The following TMEM255A variants were observed in gnomAD, a reference collection of about 807,000 sequenced individuals.
TMEM255A encodes family with sequence similarity 70, member A.
In TMEM255A, 14 loss-of-function variants were observed where a neutral mutation model predicts 23.5. The observed-to-expected ratio is 0.60, with a 90% CI of 0.39 to 0.93. TMEM255A has a LOEUF of 0.93. Among genes scored for constraint, TMEM255A ranks in the 40% least tolerant of loss-of-function variants. The pLI, the probability that TMEM255A is intolerant of heterozygous loss-of-function variation, is 0.00. For synonymous variants in TMEM255A, 104 were observed against 100.3 expected (o/e 1.04, Z -0.22); for missense variants, 233 against 261.7 (o/e 0.89, Z 0.76).
In TMEM255A at chrX:120,265,910, C is replaced by T. The variant is rs782405301; in HGVS notation, c.819+2334G>A. On this transcript the variant is annotated intron_variant, in intron 8 of 8. Transcript: ENST00000371369. ...CTGTAATCCCAGCACTTTGGGAGGC[C>T]GAGGCGGGTGAATCACGAGGTCAGG... Among the ~76,000 whole-genome samples, 161 of 105,162 alleles carry T rather than the reference C, an allele frequency of 1.5e-3. 1 individual carries two copies. Among genetic ancestry groups the T allele is most frequent in the African/African-American group, 5.2e-3 (147 of 28,364 alleles). 91.3% of individuals were successfully genotyped at this position (105,162 alleles called of 115,157 possible). A position where few individuals can be genotyped will look rare whatever the true frequency, so the allele number is the denominator to read the frequency against.
At chrX:120,252,502 A>G in the TMEM255A span, among the ~76,000 whole-genome samples, 1 of 112,124 alleles carries the variant, frequency 8.9e-6, no homozygotes, top group South Asian at 3.7e-4. Context: ...GTCTATTCCA[A>G]TAAGTTAATG....
chrX:120,256,627 T>G (rs2057639524), downstream of TMEM255A: 2 of 122,848 alleles, frequency 1.6e-5, no homozygotes, highest in African/African-American at 6.5e-5. Flanking sequence ...TTGACAACAA[T>G]AAATACCACT....
chrX:120,278,112 A>C (rs2057812083), intron 6 of TMEM255A, among the ~76,000 whole-genome samples: 12 of 99,984 alleles, frequency 1.2e-4, no homozygotes, highest in African/African-American at 2.2e-4. Flanking sequence ...TGACTTCCCT[A>C]CTCCACGCCC....
rs2057661768 is a variant in TMEM255A at position 120,259,521 on chromosome X, GTGTT to G, written c.*1345_*1348del. 8.9e-6 allele frequency: 1 copy of G among 111,839 alleles called. No individual in the cohort carries two copies. Among genetic ancestry groups the G allele is most frequent in the African/African-American group, 3.3e-5 (1 of 30,599 alleles). The allele number at this position is 111,839 out of a possible 1,213,427, so 9.2% of individuals were successfully genotyped here. ...CGGAAAATTTTCCAGTGTGTGTTCT[GTGTT>G]TGGAGAACTGTCTAATTAGGTACCC... On this transcript the variant is annotated 3_prime_UTR_variant, in exon 9 of 9. Coordinates refer to ENST00000371369, the MANE Select transcript of TMEM255A (RefSeq NM_001104544.3).
intron 3 of TMEM255A, among the ~76,000 whole-genome samples, chrX:120,292,481 G>T (rs1273987604): frequency 9.1e-6 from 1 of 110,353 alleles, no homozygotes; most frequent in Non-Finnish European, 1.9e-5. Context: ...AGGCCACCCA[G>T]GGCGCAGTGG....
chrX:120,288,556 A>G (rs1300591919), intron 4 of TMEM255A, among the ~76,000 whole-genome samples: 4 of 112,336 alleles, frequency 3.6e-5, no homozygotes, highest in Non-Finnish European at 7.5e-5. Flanking sequence ...AGTGCCCTAC[A>G]TGAAGACAGA....
At chrX:120,300,275 T>C (rs189352707) in intron 2 of TMEM255A, among the ~76,000 whole-genome samples, 2 of 112,137 alleles carry the variant, frequency 1.8e-5, no homozygotes, top group African/African-American at 6.5e-5. Context: ...GCCTTCAGAG[T>C]AGAAAGCTCA....
chrX:120,266,552 A>G (rs782255771), intron 8 of TMEM255A, among the ~76,000 whole-genome samples: 1 of 112,185 alleles, frequency 8.9e-6, no homozygotes, highest in Non-Finnish European at 1.9e-5. Context: ...GAGGTTTCCT[A>G]TCTTATAATT....
intron 8 of TMEM255A, 132 bp from the exon 9 acceptor site, chrX:120,261,160 CAG>C (rs781943254): frequency 3.9e-5 from 35 of 886,412 alleles, no homozygotes; most frequent in Non-Finnish European, 5.2e-5. Context: ...CCAAACCTCA[CAG>C]AGTTAATGAG....
chrX:120,288,335 C>T (rs1231672254), intron 4 of TMEM255A, among the ~76,000 whole-genome samples: 1 of 112,121 alleles, frequency 8.9e-6, no homozygotes, highest in Non-Finnish European at 1.9e-5. Flanking sequence ...GCTCAATGTT[C>T]TGAAAGTACC....
chrX:120,296,527 G>A (rs180873460), intron 2 of TMEM255A, among the ~76,000 whole-genome samples: 54 of 95,657 alleles, frequency 5.6e-4, no homozygotes, highest in African/African-American at 1.3e-3. Context: ...AAGAGCTCAC[G>A]GTCTAGTAAG....
chrX:120,298,165 A>G (rs1293752679), intron 2 of TMEM255A, among the ~76,000 whole-genome samples: 2 of 110,916 alleles, frequency 1.8e-5, no homozygotes, highest in Non-Finnish European at 3.8e-5. Context: ...TTGAGGCTGG[A>G]CTCTTGTCAC....
chrX:120,277,037 T>A lies in TMEM255A; in HGVS notation c.523A>T (p.Ile175Phe), dbSNP rs782463111. The change falls in exon 7 of 9, where the codon ATC (isoleucine) becomes TTC (phenylalanine). Residue 175 changes from isoleucine to phenylalanine, a missense_variant. Physicochemically the swap from Ile to Phe is conservative, Grantham distance 21. Transcript: ENST00000371369. The part of the protein sequence containing the change: ...DLYNCGNRVE[I>F]TGGYYEYIDV... Reference sequence around the variant, plus strand: ...ATGTATTCGTAGTACCCACCAGTGATCTCCACCCGGCTGGACAGGGAGGAG... The same window carrying A: ...ATGTATTCGTAGTACCCACCAGTGAACTCCACCCGGCTGGACAGGGAGGAG... The A allele has an allele frequency of 1.7e-6, 2 of 1,208,285 alleles. No individual in the cohort carries two copies. Among genetic ancestry groups the A allele is most frequent in the Admixed American group, 4.4e-5 (2 of 45,916 alleles).
downstream of TMEM255A, chrX:120,255,062 G>T: frequency 8.3e-7 from 1 of 1,211,977 alleles, no homozygotes; most frequent in Non-Finnish European, 1.1e-6. Context: ...GGGAGCGAAG[G>T]TATCAGTGTT....
intron 2 of TMEM255A, among the ~76,000 whole-genome samples, chrX:120,297,130 A>T (rs1361197913): frequency 3.1e-5 from 1 of 32,199 alleles, no homozygotes; most frequent in African/African-American, 1.5e-4. Context: ...TATAATATAT[A>T]ATATTATATA....
rs1464298412 is a variant in TMEM255A, at chrX:120,286,630, G to A, written c.423+524C>T. 6.3e-5 allele frequency among the ~76,000 whole-genome samples: 7 copies of A among 111,906 alleles called. 1 individual carries two copies. The East Asian group carries it at 1.4e-3, about 23-fold the overall frequency. On this transcript the variant is annotated intron_variant, in intron 5 of 8. Coordinates refer to ENST00000371369, the MANE Select transcript of TMEM255A (RefSeq NM_001104544.3). ...TAGGCTGGCCTCTTGGAGGTGTTAT[G>A]AGAGGGGCCAGGCTGACAGTCCCAG...
chrX:120,307,514 C>T (rs1254772328), intron 1 of TMEM255A, among the ~76,000 whole-genome samples: 1 of 112,148 alleles, frequency 8.9e-6, no homozygotes, highest in Admixed American at 9.4e-5. Context: ...ACGATTTATA[C>T]CTAGTGTTTG....
At chrX:120,266,207 G>T (rs2057716643) in intron 8 of TMEM255A, among the ~76,000 whole-genome samples, 1 of 108,567 alleles carries the variant, frequency 9.2e-6, no homozygotes, top group Admixed American at 9.8e-5. Context: ...TCTGCTACAA[G>T]CCCATAGTAT....
intron 1 of TMEM255A, 110 bp from the exon 2 acceptor site, chrX:120,304,601 A>T: frequency 2.4e-6 from 2 of 844,006 alleles, no homozygotes; most frequent in Non-Finnish European, 3.4e-6. Context: ...CGGTAACTGA[A>T]GTTATCTTTG....
Sources: gnomAD v4.1 joint callset for allele counts (sites outside exome capture counted in the v4.1 genomes callset) on GRCh38, gnomAD v4.1.1 for gene constraint, MANE v1.5 for transcripts, NCBI Gene and HGNC (gene_info 2026-07-23, HGNC 2026-07-21) for gene names.